MKLN1: variants seen among roughly 807,000 people sequenced by gnomAD.
MKLN1 encodes muskelin.
In MKLN1, 18 loss-of-function variants were observed where a neutral mutation model predicts 99.0. The ratio of observed to expected loss-of-function variants is 0.18; its 90% confidence interval spans 0.13 to 0.27. The LOEUF (loss-of-function observed/expected upper bound fraction) is 0.27. Ranked by LOEUF, MKLN1 falls within the 10% of genes least tolerant of loss-of-function variation. MKLN1 has a pLI of 1.00. For missense variants in MKLN1, 621 were observed against 875.9 expected (o/e 0.71, Z 3.67); for synonymous variants, 288 against 293.2 (o/e 0.98, Z 0.18).
At chr7:131,227,394 T>C (rs527606527) in intron 3 of MKLN1, among the ~76,000 whole-genome samples, 13 of 151,782 alleles carry the variant, frequency 8.6e-5, no homozygotes, top group African/African-American at 3.1e-4. Context: ...TTTTTCTTTC[T>C]TTCTCTCTTT....
intron 1 of MKLN1, among the ~76,000 whole-genome samples, chr7:131,330,400 C>G (rs999640891): frequency 1.2e-4 from 19 of 152,148 alleles, no homozygotes; most frequent in Admixed American, 1.2e-3. Flanking sequence ...TTATGATGTG[C>G]CGTCCATTTG....
chr7:131,229,118 G>C (rs770761152), intron 3 of MKLN1, among the ~76,000 whole-genome samples: 1 of 151,940 alleles, frequency 6.6e-6, no homozygotes, highest in Non-Finnish European at 1.5e-5. Flanking sequence ...CAGAATGTAG[G>C]GGGAGGGTGT....
intron 3 of MKLN1, among the ~76,000 whole-genome samples, chr7:131,255,876 C>A (rs541243110): frequency 4.2e-5 from 6 of 144,428 alleles, no homozygotes; most frequent in African/African-American, 1.3e-4. Context: ...CCACTGTGCC[C>A]GACCTATTTA....
In MKLN1 at chr7:131,477,822, C is replaced by T. The variant is rs542512730; in HGVS notation, c.2032-801C>T. Among the ~76,000 whole-genome samples the T allele has an allele frequency of 2.0e-5, 3 of 152,286 alleles. No homozygotes were observed. In the East Asian group the frequency reaches 5.8e-4, roughly 29 times the overall value. The stretch of plus-strand genomic sequence containing the variant: ...CTAACTGCTCAAGTCTTGGGAAGTG[C>T]CAAGTAACTCCATTGAGGAGTTTGT... On this transcript the variant is annotated intron_variant, in intron 16 of 17. Coordinates refer to ENST00000352689, the MANE Select transcript of MKLN1 (RefSeq NM_013255.5).
intron 6 of MKLN1, among the ~76,000 whole-genome samples, chr7:131,403,545 A>G (rs1467331927): frequency 5.3e-5 from 8 of 152,136 alleles, no homozygotes; most frequent in Admixed American, 5.2e-4. Flanking sequence ...CTTTCAGCCT[A>G]TCTTGGCCTT....
chr7:131,336,626 A>C (rs747743821), intron 1 of MKLN1, among the ~76,000 whole-genome samples: 11 of 152,120 alleles, frequency 7.2e-5, no homozygotes, highest in Non-Finnish European at 1.6e-4. Context: ...ACGCTAGATC[A>C]CCACAAGCTT....
In MKLN1 at chr7:131,409,208, G is replaced by A. The variant is rs1794797642; in HGVS notation, c.704-2098G>A. Reference sequence around the variant, plus strand: ...ATGAGAATATCATTGTTTCAATAGAGAGGCTGACTTTTGCTGAATTATATA... The same window carrying A: ...ATGAGAATATCATTGTTTCAATAGAAAGGCTGACTTTTGCTGAATTATATA... On this transcript the variant is annotated intron_variant, in intron 6 of 17. Transcript: ENST00000352689. Among the ~76,000 whole-genome samples, 4 of 152,124 alleles carry A rather than the reference G, an allele frequency of 2.6e-5. No individual in the cohort carries two copies. The South Asian group carries it at 6.2e-4, about 24-fold the overall frequency.
chr7:131,131,339 TG>T (rs2116226803), intron 1 of MKLN1, among the ~76,000 whole-genome samples: 1 of 152,236 alleles, frequency 6.6e-6, no homozygotes, highest in African/African-American at 2.4e-5. Context: ...ATCATGCAAC[TG>T]CATCCAGCCT....
At chr7:131,359,921 G>A (rs868616598) in intron 1 of MKLN1, among the ~76,000 whole-genome samples, 11 of 151,504 alleles carry the variant, frequency 7.3e-5, no homozygotes, top group African/African-American at 2.7e-4. Flanking sequence ...TTTAGTAGAG[G>A]TAAAATTAAA....
At chr7:131,382,451 T>C (rs185152367) in intron 2 of MKLN1, among the ~76,000 whole-genome samples, 1 of 152,238 alleles carries the variant, frequency 6.6e-6, no homozygotes, top group Admixed American at 6.5e-5. Flanking sequence ...TACCATTTTT[T>C]GTATGCTTGT....
chr7:131,363,031 C>T (rs1800076379), intron 1 of MKLN1, among the ~76,000 whole-genome samples: 1 of 151,770 alleles, frequency 6.6e-6, no homozygotes, highest in Non-Finnish European at 1.5e-5. Context: ...ATCTTCGTGG[C>T]CACATTTTTC....
At chr7:131,125,092 C>T (rs1795433197) in intron 1 of MKLN1, among the ~76,000 whole-genome samples, 1 of 152,178 alleles carries the variant, frequency 6.6e-6, no homozygotes, top group Non-Finnish European at 1.5e-5. Flanking sequence ...TCCTAGCATG[C>T]CTTGTGATCC....
chr7:131,437,677 T>G, intron 9 of MKLN1, 108 bp from the exon 10 acceptor site: 1 of 835,728 alleles, frequency 1.2e-6, no homozygotes. Flanking sequence ...TGAGAAACCT[T>G]TTAATGAAAG....
chr7:131,229,796 C>A (rs1797214752), intron 3 of MKLN1, among the ~76,000 whole-genome samples: 1 of 152,088 alleles, frequency 6.6e-6, no homozygotes, highest in Non-Finnish European at 1.5e-5. Flanking sequence ...TCAAGTGATC[C>A]TCCTGCCTCA....
chr7:131,204,621 G>A (rs969713328), intron 3 of MKLN1, among the ~76,000 whole-genome samples: 1 of 151,940 alleles, frequency 6.6e-6, no homozygotes, highest in East Asian at 1.9e-4. Flanking sequence ...CACGAGGTCA[G>A]GAGTTCAAGA....
At chr7:131,265,099 C>T (rs563993969) in intron 3 of MKLN1, among the ~76,000 whole-genome samples, 123 of 152,298 alleles carry the variant, frequency 8.1e-4, no homozygotes, top group African/African-American at 2.7e-3. Flanking sequence ...TTCAGCCTCC[C>T]AAAGTGCTGG....
At chr7:131,303,055 C>T (rs141129412) in intron 3 of MKLN1, among the ~76,000 whole-genome samples, 257 of 152,210 alleles carry the variant, frequency 1.7e-3, no homozygotes, top group African/African-American at 6.0e-3. Context: ...TCCTGAACCT[C>T]CTTCATACAT....
intron 3 of MKLN1, among the ~76,000 whole-genome samples, chr7:131,309,294 C>T (rs1009765122): frequency 6.6e-6 from 1 of 152,100 alleles, no homozygotes; most frequent in Non-Finnish European, 1.5e-5. Context: ...GAAGCTGAGG[C>T]AAAATTAATA....
intron 2 of MKLN1, among the ~76,000 whole-genome samples, chr7:131,175,251 G>GTTAGATAGATAGATAGATA (rs1796281313): frequency 6.7e-6 from 1 of 150,160 alleles, no homozygotes; most frequent in East Asian, 2.0e-4. Context: ...TGGATGGATA[G>GTTAGATAGATAGATAGATA]ATAGATAGAT....
Sources: gnomAD v4.1 joint callset for allele counts (sites outside exome capture counted in the v4.1 genomes callset) on GRCh38, gnomAD v4.1.1 for gene constraint, MANE v1.5 for transcripts, NCBI Gene and HGNC (gene_info 2026-07-23, HGNC 2026-07-21) for gene names.